The following COL5A2 variants were observed in gnomAD, a reference collection of about 807,000 sequenced individuals.
COL5A2 encodes collagen type V alpha 2 chain.
In COL5A2, 23 loss-of-function variants were observed where a neutral mutation model predicts 208.2. The ratio of observed to expected loss-of-function variants is 0.11; its 90% CI spans 0.08 to 0.16. The LOEUF (loss-of-function observed/expected upper bound fraction) is 0.16. COL5A2 is among the 10% of genes least tolerant of loss of function. The probability of loss-of-function intolerance (pLI) is 1.00; values close to 1 mark genes in which losing one functional copy is unlikely to be tolerated. For synonymous variants in COL5A2, 625 were observed against 628.5 expected, an observed-to-expected ratio of 0.99 and a Z score of 0.08; for missense variants, 1,590 against 1,956.4, an observed-to-expected ratio of 0.81 and a Z score of 3.53.
At chr2:189,325,015 T>C in the COL5A2 span, among the ~76,000 whole-genome samples, 2 of 152,188 alleles carry the variant, frequency 1.3e-5, no homozygotes, top group Admixed American at 6.5e-5. Flanking sequence ...ATGTCCTTTG[T>C]AGGGACATGG....
intron 2 of COL5A2, among the ~76,000 whole-genome samples, chr2:189,108,335 C>T (rs1369372188): frequency 1.3e-5 from 2 of 151,722 alleles, no homozygotes; most frequent in Non-Finnish European, 3.0e-5. Context: ...CACAGAAATG[C>T]TTTTACTGTA....
chr2:189,331,236 A>G, the COL5A2 span, among the ~76,000 whole-genome samples: 1 of 152,186 alleles, frequency 6.6e-6, no homozygotes, highest in Non-Finnish European at 1.5e-5. Flanking sequence ...AGTTGAAACA[A>G]AAAAATTAAA....
chr2:189,056,374 G>A (rs1685900964), intron 35 of COL5A2, among the ~76,000 whole-genome samples: 1 of 152,162 alleles, frequency 6.6e-6, no homozygotes, highest in African/African-American at 2.4e-5. Flanking sequence ...TGTCCTTCGA[G>A]TCTGATTGTC....
At chr2:189,280,732 C>T in the COL5A2 span, among the ~76,000 whole-genome samples, 13 of 151,974 alleles carry the variant, frequency 8.6e-5, no homozygotes, top group Non-Finnish European at 1.6e-4. Flanking sequence ...TCAAATAGAT[C>T]AACTGAGGTT....
At chr2:189,366,017 C>G in the COL5A2 span, among the ~76,000 whole-genome samples, 1 of 152,172 alleles carries the variant, frequency 6.6e-6, no homozygotes, top group African/African-American at 2.4e-5. Flanking sequence ...ATTGCCTACA[C>G]TTTCCTTCTC....
At chr2:189,355,048 ATT>A in the COL5A2 span, among the ~76,000 whole-genome samples, 8 of 152,166 alleles carry the variant, frequency 5.3e-5, no homozygotes, top group Admixed American at 5.2e-4. Context: ...CCTAGTAGTC[ATT>A]CAGGAGCAGG....
Position 189,045,235 on chromosome 2 carries a change from A to T in COL5A2, c.3310-3T>A, listed in dbSNP as rs752705717. 14 of 1,606,532 alleles carry T rather than the reference A, an allele frequency of 8.7e-6. No homozygotes were observed. In the South Asian group the frequency reaches 1.5e-4, roughly 18 times the overall value. On this transcript the variant is annotated splice_region_variant and splice_polypyrimidine_tract_variant and intron_variant, in intron 46 of 53. Coordinates refer to ENST00000374866, the MANE Select transcript of COL5A2 (RefSeq NM_000393.5). Reference sequence around the variant, plus strand: ...GGTCCTATAGGACCCCGAGAACCCTAAAAGAAATTTACAACAAAAAAAATT... The same window carrying T: ...GGTCCTATAGGACCCCGAGAACCCTTAAAGAAATTTACAACAAAAAAAATT...
chr2:189,152,550 G>A (rs1688165700), intron 1 of COL5A2, among the ~76,000 whole-genome samples: 1 of 152,170 alleles, frequency 6.6e-6, no homozygotes, highest in African/African-American at 2.4e-5. Flanking sequence ...TCCAGGTGTG[G>A]AATGAGCTAG....
At chr2:189,097,839 C>T (rs1157326286) in intron 5 of COL5A2, among the ~76,000 whole-genome samples, 1 of 152,206 alleles carries the variant, frequency 6.6e-6, no homozygotes, top group Non-Finnish European at 1.5e-5. Flanking sequence ...GCCTCTTAGC[C>T]TACTACAGTA....
rs61311233 is a variant in COL5A2 at position 189,085,060 on chromosome 2, T to A, written c.798+100A>T. The A allele has an allele frequency of 0.15, 138,448 of 942,300 alleles. 10,713 individuals carry two copies. The highest frequency in any genetic ancestry group is 0.24 in the Middle Eastern group (1,139 of 4,668). 58.4% of individuals were successfully genotyped at this position (942,300 alleles called of 1,614,324 possible). A position where few individuals can be genotyped will look rare whatever the true frequency, so the allele number is the denominator to read the frequency against. On this transcript the variant is annotated intron_variant, in intron 11 of 53. Transcript: ENST00000374866. ...TTGAATTTAATGCAAGCTAAAAGGGTGGGGAAATGTAATGGAAATTAATAC... is the reference window on the plus strand; with the variant it reads ...TTGAATTTAATGCAAGCTAAAAGGGAGGGGAAATGTAATGGAAATTAATAC...
intron 1 of COL5A2, among the ~76,000 whole-genome samples, chr2:189,144,296 T>C (rs759766017): frequency 3.3e-5 from 5 of 152,114 alleles, no homozygotes; most frequent in African/African-American, 9.7e-5. Flanking sequence ...CATAGTTGGG[T>C]ATTTGCTTAG....
intron 48 of COL5A2, 136 bp from the exon 49 acceptor site, chr2:189,042,909 G>T: frequency 2.2e-6 from 2 of 891,448 alleles, no homozygotes; most frequent in Admixed American, 4.0e-5. Flanking sequence ...ATGTCTACAT[G>T]AGTTGACCAA....
chr2:189,063,980 C>T lies in COL5A2; in HGVS notation c.1770G>A (p.Leu590=). ...GTGGACTTCTGTTTAAATTACTTAC[C>T]AAAGGTCCAAGTTTTCCTTCAGGAC... ...VQGPEGKLGP[L]GAPGEDGRPG... The change falls in exon 26 of 54, where the codon TTG becomes TTA. Residue 590 remains leucine (L), a splice_region_variant and synonymous_variant. Coordinates refer to ENST00000374866, the MANE Select transcript of COL5A2 (RefSeq NM_000393.5). 7 of 1,612,134 alleles carry T rather than the reference C, an allele frequency of 4.3e-6. No individual in the cohort carries two copies. Among genetic ancestry groups the T allele is most frequent in the Non-Finnish European group, 5.9e-6 (7 of 1,178,650 alleles).
the COL5A2 span, among the ~76,000 whole-genome samples, chr2:189,301,793 T>A: frequency 6.6e-6 from 1 of 152,218 alleles, no homozygotes; most frequent in South Asian, 2.1e-4. Flanking sequence ...TATTGTTGTA[T>A]CTTTCTTTTG....
At position 189,092,338 on chromosome 2, in the gene COL5A2, G is replaced by T. The variant is rs773211165; in HGVS notation, c.539C>A (p.Ser180Tyr). 8 of 1,609,354 alleles carry T rather than the reference G, an allele frequency of 5.0e-6. No individual in the cohort carries two copies. In the Admixed American group the frequency reaches 1.3e-4, roughly 27 times the overall value. ...PGAPGPPGHP[S>Y]HPGPDGLSRP... Reference sequence around the variant, plus strand: ...GCTCAAGCCATCGGGTCCTGGGTGGGACGGATGTCCAGGAGGTCCTGGAGC... The same window carrying T: ...GCTCAAGCCATCGGGTCCTGGGTGGTACGGATGTCCAGGAGGTCCTGGAGC... The change falls in exon 7 of 54, where the codon TCC becomes TAC. Residue 180 changes from serine (S) to tyrosine (Y), a missense_variant. Coordinates refer to ENST00000374866, the MANE Select transcript of COL5A2 (RefSeq NM_000393.5).
rs140108893 is a variant in COL5A2, at chr2:189,179,572, G to A, written c.33C>T (p.Leu11=). MMANWAEARP[L]LILIVLLGQF... ...GCCCTAATAAAACAATAAGAATGAG[G>A]AGAGGTCTTGCTTCCGCCCAGTTTG... is the stretch of plus-strand genomic sequence containing the variant. The change falls in exon 1 of 54, where the codon CTC becomes CTT. Residue 11 remains leucine, a synonymous_variant. Transcript: ENST00000374866. 4.2e-4 allele frequency: 680 copies of A among 1,609,594 alleles called. 3 individuals are homozygous for A. Among genetic ancestry groups the A allele is most frequent in the African/African-American group, 3.0e-3 (225 of 74,980 alleles).
chr2:189,332,112 G>A, the COL5A2 span, among the ~76,000 whole-genome samples: 1 of 152,056 alleles, frequency 6.6e-6, no homozygotes, highest in Non-Finnish European at 1.5e-5. Flanking sequence ...AATAGTGTAT[G>A]TTACAATAAT....
chr2:189,297,774 T>C, the COL5A2 span, among the ~76,000 whole-genome samples: 2 of 152,334 alleles, frequency 1.3e-5, no homozygotes, highest in South Asian at 4.1e-4. Flanking sequence ...ATTTATGCCA[T>C]GTTATTTCTC....
intron 1 of COL5A2, among the ~76,000 whole-genome samples, chr2:189,149,039 C>A (rs1363001761): frequency 6.6e-6 from 1 of 152,142 alleles, no homozygotes; most frequent in Non-Finnish European, 1.5e-5. Context: ...ACTGGGGAGG[C>A]TGAGGCAGGA....
Sources: allele counts gnomAD v4.1 joint callset (sites outside exome capture counted in the v4.1 genomes callset), GRCh38; gene constraint gnomAD v4.1.1; transcripts MANE v1.5; gene names NCBI Gene and HGNC (gene_info 2026-07-23, HGNC 2026-07-21).